RSPH14: variants seen among roughly 807,000 people sequenced by gnomAD.
The protein encoded by RSPH14 is radial spoke head 14 homolog.
In RSPH14, 20 loss-of-function variants were observed where a neutral mutation model predicts 26.7. The observed-to-expected ratio is 0.75, with a 90% confidence interval of 0.53 to 1.09. The LOEUF is 1.09. Among genes scored for constraint, RSPH14 ranks in the 50% least tolerant of loss-of-function variants. The pLI is 0.00. For missense variants in RSPH14, 449 were observed against 457.2 expected (o/e 0.98, Z 0.16); for synonymous variants, 177 against 189.3 (o/e 0.93, Z 0.53).
At chr22:23,089,423 A>C (rs1281645313) in intron 4 of RSPH14, among the ~76,000 whole-genome samples, 1 of 152,062 alleles carries the variant, frequency 6.6e-6, no homozygotes, top group East Asian at 1.9e-4. Flanking sequence ...GGTGGGTGTG[A>C]CCATGGGTAT....
chr22:23,158,080 G>A, the RSPH14 span: 5 of 1,612,020 alleles, frequency 3.1e-6, no homozygotes, highest in Non-Finnish European at 4.2e-6. Flanking sequence ...AGTCTCCCTG[G>A]GCTCAGGAAG....
At position 23,140,388 on chromosome 22, in the gene RSPH14, G is replaced by A. The variant is rs751390162; in HGVS notation, c.33C>T (p.Pro11=). 1 of 1,614,174 alleles carries A rather than the reference G, an allele frequency of 6.2e-7. No individual in the cohort carries two copies. Among genetic ancestry groups the A allele is most frequent in the African/African-American group, 1.3e-5 (1 of 75,030 alleles). ...TAATCTGGGTGGCATTGATGTTAAT[G>A]GGAAGCTCCAAGGAGTTCTGGGAAT... The part of the protein sequence containing the change: MAHSQNSLEL[P]ININATQITT... The change falls in exon 2 of 7, where the codon CCC becomes CCT. Residue 11 remains proline (P), a synonymous_variant. Transcript: ENST00000216036.
chr22:23,072,872 G>C (rs185785859), intron 4 of RSPH14, among the ~76,000 whole-genome samples: 1 of 152,368 alleles, frequency 6.6e-6, no homozygotes, highest in East Asian at 1.9e-4. Context: ...TGGTGCAGGA[G>C]TATGGGTGGG....
intron 4 of RSPH14, among the ~76,000 whole-genome samples, chr22:23,118,108 C>G (rs1265344508): frequency 6.6e-6 from 1 of 152,232 alleles, no homozygotes; most frequent in Admixed American, 6.5e-5. Flanking sequence ...GGCAGAGTCC[C>G]TTCCACAATG....
At chr22:23,130,918 C>G (rs1449635492) in intron 4 of RSPH14, among the ~76,000 whole-genome samples, 1 of 152,274 alleles carries the variant, frequency 6.6e-6, no homozygotes, top group African/African-American at 2.4e-5. Flanking sequence ...GTTGCAATAT[C>G]CAGCAAAGCT....
chr22:23,169,395 C>A, the RSPH14 span, among the ~76,000 whole-genome samples: 1 of 152,380 alleles, frequency 6.6e-6, no homozygotes, highest in Non-Finnish European at 1.5e-5. Flanking sequence ...GAGCCCTCCT[C>A]TGGCCTCCAG....
chr22:23,134,502 A>T lies in RSPH14; in HGVS notation c.303-358T>A, dbSNP rs138506049. 3.1e-3 allele frequency among the ~76,000 whole-genome samples: 465 copies of T among 150,636 alleles called. 3 individuals carry two copies. The highest frequency in any genetic ancestry group is 0.011 in the African/African-American group (437 of 40,902). ...TTTTTCAAATTTGTTTATGAGAAAA[A>T]GTTGAATGCTTTGGAAGGACTCAAA... On this transcript the variant is annotated intron_variant, in intron 3 of 6. Coordinates refer to ENST00000216036, the MANE Select transcript of RSPH14 (RefSeq NM_014433.3).
chr22:23,122,778 G>A (rs77264287), intron 4 of RSPH14: 5 of 405,754 alleles, frequency 1.2e-5, no homozygotes, highest in South Asian at 4.2e-5. Flanking sequence ...GGTTTAGGAG[G>A]CTGTGCTTGG....
At chr22:23,140,505 A>G in intron 1 of RSPH14, 33 bp from the exon 2 acceptor site, 1 of 1,526,768 alleles carries the variant, frequency 6.5e-7, no homozygotes, top group Non-Finnish European at 8.8e-7. Flanking sequence ...CATTATTTCT[A>G]TTATGATTTA....
At chr22:23,150,788 A>G in the RSPH14 span, among the ~76,000 whole-genome samples, 2 of 152,024 alleles carry the variant, frequency 1.3e-5, no homozygotes, top group East Asian at 3.9e-4. Flanking sequence ...CAGCGTGTCA[A>G]GTCCTCTGGG....
chr22:23,171,901 G>A, the RSPH14 span, among the ~76,000 whole-genome samples: 1 of 149,944 alleles, frequency 6.7e-6, no homozygotes, highest in African/African-American at 2.5e-5. Flanking sequence ...TGAAAAAGTG[G>A]AAGCCAGGAT....
chr22:23,080,016 G>T (rs1343458509), intron 4 of RSPH14, among the ~76,000 whole-genome samples: 1 of 152,198 alleles, frequency 6.6e-6, no homozygotes, highest in Admixed American at 6.5e-5. Context: ...GATGGAGTCA[G>T]CAGTTTCCTT....
Position 23,140,325 on chromosome 22 carries a change from C to T in RSPH14, c.96G>A (p.Lys32=). Residue 32 remains lysine, a synonymous_variant, in exon 2 of 7, where the codon AAG becomes AAA. Transcript: ENST00000216036. ...GGAGGTCCTCTGACTGCAGCTCCTC[C>T]TTCAGCTTGGGCAGGGCCCGATGGC... The part of the protein sequence containing the change: ...AYGHRALPKL[K]EELQSEDLQT... 6.2e-7 allele frequency: 1 copy of T among 1,614,208 alleles called. No individual in the cohort carries two copies. The highest frequency in any genetic ancestry group is 8.5e-7 in the Non-Finnish European group (1 of 1,180,040).
intron 4 of RSPH14, chr22:23,095,941 C>G (rs1259254407): frequency 1.2e-6 from 2 of 1,612,880 alleles, no homozygotes. Context: ...ACTCGCTGAC[C>G]CGCATCATCC....
At chr22:23,153,758 G>T in the RSPH14 span, among the ~76,000 whole-genome samples, 1 of 147,702 alleles carries the variant, frequency 6.8e-6, no homozygotes, top group African/African-American at 2.5e-5. Flanking sequence ...GTGCAGTGGC[G>T]CAATCTCAGC....
intron 4 of RSPH14, among the ~76,000 whole-genome samples, chr22:23,089,994 C>G (rs548429123): frequency 1.3e-5 from 2 of 152,266 alleles, no homozygotes; most frequent in African/African-American, 2.4e-5. Flanking sequence ...GTGCCTGGCC[C>G]TATGTCGCAC....
chr22:23,155,167 G>C, the RSPH14 span, among the ~76,000 whole-genome samples: 3 of 152,138 alleles, frequency 2.0e-5, no homozygotes, highest in African/African-American at 7.2e-5. Context: ...TCTTGTTTGT[G>C]ACTTGTCTAC....
chr22:23,132,635 A>G, intron 4 of RSPH14: 1 of 110,462 alleles, frequency 9.1e-6, no homozygotes, highest in Non-Finnish European at 2.2e-5. Flanking sequence ...AAGACAGAAA[A>G]AAATCTATGA....
chr22:23,180,410 C>T, the RSPH14 span: 24 of 170,626 alleles, frequency 1.4e-4, no homozygotes, highest in Non-Finnish European at 2.9e-4. Flanking sequence ...CCAGGGGGCC[C>T]CCCCGCCCTG....
Sources: gnomAD v4.1 joint callset for allele counts (sites outside exome capture counted in the v4.1 genomes callset) on GRCh38, gnomAD v4.1.1 for gene constraint, MANE v1.5 for transcripts, NCBI Gene and HGNC (gene_info 2026-07-23, HGNC 2026-07-21) for gene names.